The following KCTD8 variants were observed in gnomAD, a reference collection of about 807,000 sequenced individuals.
KCTD8 encodes potassium channel tetramerization domain containing 8.
In KCTD8, 27 loss-of-function variants were observed where a neutral mutation model predicts 31.5. The observed-to-expected ratio is 0.86, with a 90% CI of 0.63 to 1.18. The LOEUF (loss-of-function observed/expected upper bound fraction) is 1.18, where lower values mean the gene tolerates loss of function less well. Among genes scored for constraint, KCTD8 ranks in the 50% most tolerant of loss-of-function variants. KCTD8 has a pLI of 0.00. For missense variants in KCTD8, 658 were observed against 647.7 expected (o/e 1.02, Z -0.17); for synonymous variants, 290 against 280.0 (o/e 1.04, Z -0.36).
Position 44,187,916 on chromosome 4 carries a change from C to A in KCTD8, c.962-12666G>T, listed in dbSNP as rs114428489. On this transcript the variant is annotated intron_variant, in intron 1 of 1. Coordinates refer to ENST00000360029, the MANE Select transcript of KCTD8 (RefSeq NM_198353.3). ...AGCTGCCTTAGACCTGAGGAAAAAT[C>A]TCTCAGTGACAATAAGGGAAGCAGA... Among the ~76,000 whole-genome samples the A allele has an allele frequency of 9.4e-3, 1,427 of 151,616 alleles. 17 individuals are homozygous for A. The highest frequency in any genetic ancestry group is 0.028 in the African/African-American group (1,165 of 41,314).
intron 1 of KCTD8, among the ~76,000 whole-genome samples, chr4:44,182,106 C>T (rs576463624): frequency 6.6e-5 from 10 of 151,846 alleles, no homozygotes; most frequent in Admixed American, 4.6e-4. Context: ...ACAGCCGCCC[C>T]GTCCGGGAGG....
chr4:44,427,247 T>G (rs1268221998), intron 1 of KCTD8, among the ~76,000 whole-genome samples: 1 of 151,374 alleles, frequency 6.6e-6, no homozygotes. Context: ...ACACTGTCCT[T>G]TTACAGTAAA....
chr4:44,309,786 T>C (rs1717900070), intron 1 of KCTD8, among the ~76,000 whole-genome samples: 1 of 152,116 alleles, frequency 6.6e-6, no homozygotes, highest in African/African-American at 2.4e-5. Context: ...AAAAGGATAA[T>C]GAGTCTAAAA....
intron 1 of KCTD8, among the ~76,000 whole-genome samples, chr4:44,261,866 G>A (rs1421556052): frequency 6.6e-6 from 1 of 151,976 alleles, no homozygotes; most frequent in Non-Finnish European, 1.5e-5. Flanking sequence ...ATTTCACAAT[G>A]CATATGCATA....
At chr4:44,417,336 G>A (rs1228061398) in intron 1 of KCTD8, among the ~76,000 whole-genome samples, 1 of 152,064 alleles carries the variant, frequency 6.6e-6, no homozygotes, top group South Asian at 2.1e-4. Flanking sequence ...TTAAAATTAT[G>A]TCTAAATTAT....
chr4:44,437,232 G>T (rs1286198798), intron 1 of KCTD8, among the ~76,000 whole-genome samples: 2 of 152,018 alleles, frequency 1.3e-5, no homozygotes, highest in African/African-American at 4.8e-5. Context: ...AGTGGCCAAG[G>T]AGCACTCACA....
chr4:44,340,411 G>C (rs1185845670), intron 1 of KCTD8, among the ~76,000 whole-genome samples: 1 of 150,916 alleles, frequency 6.6e-6, no homozygotes, highest in Non-Finnish European at 1.5e-5. Flanking sequence ...CCATTCTCCT[G>C]CCTCAGTCTC....
chr4:44,220,817 T>C (rs1714786584), intron 1 of KCTD8, among the ~76,000 whole-genome samples: 2 of 152,338 alleles, frequency 1.3e-5, no homozygotes, highest in East Asian at 1.9e-4. Context: ...TCTCCCTCCA[T>C]AGTCTTTGAG....
At position 44,365,579 on chromosome 4, in the gene KCTD8, A is replaced by T. The variant is rs1342291439; in HGVS notation, c.961+81984T>A. Among the ~76,000 whole-genome samples, 5 of 152,186 alleles carry T rather than the reference A, an allele frequency of 3.3e-5. No individual in the cohort carries two copies. In the East Asian group the frequency reaches 5.8e-4, roughly 18 times the overall value. On this transcript the variant is annotated intron_variant, in intron 1 of 1. Coordinates refer to ENST00000360029, the MANE Select transcript of KCTD8 (RefSeq NM_198353.3). ...AAACAGTCAAAAGGTATCACCTGTAACCTTTTCTAAAGGCAAAAAATAGTA... is the reference window on the plus strand; with the variant it reads ...AAACAGTCAAAAGGTATCACCTGTATCCTTTTCTAAAGGCAAAAAATAGTA...
intron 1 of KCTD8, among the ~76,000 whole-genome samples, chr4:44,203,457 T>C (rs1225907334): frequency 7.5e-6 from 1 of 133,196 alleles, no homozygotes; most frequent in African/African-American, 2.9e-5. Context: ...GCCATTGTAC[T>C]CCAGCCTGGG....
chr4:44,203,183 G>A (rs1714200081), intron 1 of KCTD8, among the ~76,000 whole-genome samples: 3 of 152,236 alleles, frequency 2.0e-5, no homozygotes, highest in African/African-American at 7.2e-5. Context: ...ACAGATCATT[G>A]TAGTCTTAAA....
intron 1 of KCTD8, among the ~76,000 whole-genome samples, chr4:44,437,697 A>G (rs1721702201): frequency 6.6e-6 from 1 of 152,162 alleles, no homozygotes; most frequent in African/African-American, 2.4e-5. Context: ...TTTAGCACAG[A>G]TTACTTGGCA....
chr4:44,439,898 ATTTT>A (rs147289827), intron 1 of KCTD8, among the ~76,000 whole-genome samples: 21,780 of 96,304 alleles, frequency 0.23, 1,925 homozygotes, highest in Non-Finnish European at 0.31. Context: ...CCAATCATTT[ATTTT>A]TATTTATTTA....
intron 1 of KCTD8, among the ~76,000 whole-genome samples, chr4:44,245,793 T>C (rs1403558361): frequency 6.6e-6 from 1 of 151,970 alleles, no homozygotes; most frequent in African/African-American, 2.4e-5. Flanking sequence ...CAGCTAACTC[T>C]TATGAAACAT....
At chr4:44,239,848 A>G (rs998100995) in intron 1 of KCTD8, among the ~76,000 whole-genome samples, 2 of 152,096 alleles carry the variant, frequency 1.3e-5, no homozygotes, top group African/African-American at 4.8e-5. Flanking sequence ...TTGTAACTTC[A>G]TCTCTCAGAC....
At chr4:44,179,419 A>C (rs1421887095) in intron 1 of KCTD8, among the ~76,000 whole-genome samples, 1 of 151,030 alleles carries the variant, frequency 6.6e-6, no homozygotes, top group East Asian at 1.9e-4. Context: ...TAAGAGCTTT[A>C]AAAATAAAAA....
rs1442611361 is a variant in KCTD8, at chr4:44,447,992, G to A, written c.532C>T (p.Leu178=). ...NVSQGSSDAL[L]LRGAAAAVPS... is the part of the protein sequence containing the mutation. ...ACGGCGGCCGCCGCCCCGCGCAGCA[G>A]CAGCGCGTCGCTGCTACCCTGCGAG... The change falls in exon 1 of 2, where the codon CTG becomes TTG. Residue 178 remains leucine (L), a synonymous_variant. Transcript: ENST00000360029. The A allele has an allele frequency of 4.5e-6, 7 of 1,562,314 alleles. No homozygotes were observed. The highest frequency in any genetic ancestry group is 1.9e-5 in the Admixed American group (1 of 52,754).
chr4:44,194,414 C>T (rs901057032), intron 1 of KCTD8, among the ~76,000 whole-genome samples: 5 of 152,108 alleles, frequency 3.3e-5, no homozygotes, highest in African/African-American at 1.2e-4. Flanking sequence ...ACTGGTAACA[C>T]CTTCTATGTA....
At chr4:44,327,653 A>G (rs1718483338) in intron 1 of KCTD8, among the ~76,000 whole-genome samples, 1 of 151,714 alleles carries the variant, frequency 6.6e-6, no homozygotes, top group South Asian at 2.1e-4. Flanking sequence ...GGTAGCAATT[A>G]AAAATATAAA....
Sources: allele counts gnomAD v4.1 joint callset (sites outside exome capture counted in the v4.1 genomes callset), GRCh38; gene constraint gnomAD v4.1.1; transcripts MANE v1.5; gene names NCBI Gene and HGNC (gene_info 2026-07-23, HGNC 2026-07-21).